KCNN3: variants seen among roughly 807,000 people sequenced by gnomAD.
KCNN3 encodes the protein small conductance calcium-activated potassium channel protein 3.
Under a neutral mutation model 62.9 loss-of-function variants are expected in KCNN3, and 16 were observed. That is an observed-to-expected ratio of 0.25 (90% CI 0.17 to 0.39). The LOEUF is 0.39. Among genes scored for constraint, KCNN3 ranks in the 10% least tolerant of loss-of-function variants. The pLI, the probability that KCNN3 is intolerant of heterozygous loss-of-function variation, is 1.00. For missense variants in KCNN3, 599 were observed against 949.4 expected, an observed-to-expected ratio of 0.63 and a Z score of 4.85; for synonymous variants, 370 against 389.2, an observed-to-expected ratio of 0.95 and a Z score of 0.58.
chr1:154,867,830 C>CA (rs1653012635), intron 1 of KCNN3: 1 of 373,838 alleles, frequency 2.7e-6, no homozygotes, highest in African/African-American at 2.2e-5. Context: ...CACACACACA[C>CA]CAACAAATTG....
In KCNN3 at chr1:154,870,050, C is replaced by A; in HGVS notation, c.-86G>T. 1 of 1,442,176 alleles carries A rather than the reference C, an allele frequency of 6.9e-7. No individual in the cohort carries two copies. The highest frequency in any genetic ancestry group is 9.6e-7 in the Non-Finnish European group (1 of 1,045,822). The allele number at this position is 1,442,176 out of a possible 1,614,324, so 89.3% of individuals were successfully genotyped here. A position where few individuals can be genotyped will look rare whatever the true frequency, so the allele number is the denominator to read the frequency against. ...AAAGATGTCCTCAAAGAAAGCCAGG[C>A]ATCCAATCTCCCCCACCAGTATCTT... On this transcript the variant is annotated 5_prime_UTR_variant, in exon 1 of 8. An upstream start codon of the reference 5' UTR is lost. Transcript: ENST00000271915.
At chr1:154,760,992 G>C (rs1009810333) in intron 3 of KCNN3, among the ~76,000 whole-genome samples, 1 of 152,248 alleles carries the variant, frequency 6.6e-6, no homozygotes, top group Non-Finnish European at 1.5e-5. Flanking sequence ...TAAAAACTGA[G>C]CCATTCAGCT....
intron 4 of KCNN3, among the ~76,000 whole-genome samples, chr1:154,726,506 C>A (rs967281461): frequency 3.9e-5 from 6 of 152,196 alleles, no homozygotes; most frequent in African/African-American, 1.2e-4. Context: ...GGAACACCTG[C>A]CAGTGGCTGA....
intron 2 of KCNN3, among the ~76,000 whole-genome samples, chr1:154,811,778 G>T (rs989389858): frequency 2.0e-5 from 3 of 152,154 alleles, no homozygotes; most frequent in Non-Finnish European, 2.9e-5. Flanking sequence ...AGAATTATCA[G>T]AATTTTCTTG....
chr1:154,744,771 G>T (rs1700901559), intron 3 of KCNN3, among the ~76,000 whole-genome samples: 1 of 151,970 alleles, frequency 6.6e-6, no homozygotes, highest in African/African-American at 2.4e-5. Flanking sequence ...ATTTCTTAAG[G>T]GTATTATGAG....
chr1:154,796,572 T>C (rs1249930419), intron 2 of KCNN3, among the ~76,000 whole-genome samples: 1 of 152,270 alleles, frequency 6.6e-6, no homozygotes, highest in African/African-American at 2.4e-5. Flanking sequence ...ACAATTCATC[T>C]GGCTGCATAG....
At chr1:154,813,180 C>A (rs556543049) in intron 2 of KCNN3, among the ~76,000 whole-genome samples, 1 of 150,730 alleles carries the variant, frequency 6.6e-6, no homozygotes, top group South Asian at 2.1e-4. Flanking sequence ...GGGGTGGGAG[C>A]CCCTTGGGCA....
chr1:154,868,372 C>A (rs1350551503), intron 1 of KCNN3: 3 of 988,450 alleles, frequency 3.0e-6, no homozygotes, highest in Admixed American at 1.2e-4. Flanking sequence ...TTACCCCATG[C>A]CCTCAGGAGA....
intron 2 of KCNN3, among the ~76,000 whole-genome samples, chr1:154,800,076 C>T (rs1288389841): frequency 1.3e-5 from 2 of 152,164 alleles, no homozygotes; most frequent in Admixed American, 6.5e-5. Flanking sequence ...GATTCCTGAA[C>T]GAATGTAAGG....
At chr1:154,725,701 G>A (rs1383119663) in intron 5 of KCNN3, among the ~76,000 whole-genome samples, 2 of 152,044 alleles carry the variant, frequency 1.3e-5, no homozygotes, top group African/African-American at 4.8e-5. Context: ...GTGCCACCAT[G>A]CCCAGCTAAT....
intron 2 of KCNN3, among the ~76,000 whole-genome samples, chr1:154,804,013 C>T (rs1650060679): frequency 6.6e-6 from 1 of 152,230 alleles, no homozygotes; most frequent in Admixed American, 6.5e-5. Context: ...TTGGATGTCC[C>T]TTTTGATTGC....
intron 1 of KCNN3, among the ~76,000 whole-genome samples, chr1:154,864,973 C>A (rs143002061): frequency 7.6e-4 from 115 of 152,270 alleles, no homozygotes; most frequent in African/African-American, 2.6e-3. Context: ...CACAGCCCAA[C>A]GCCTGAGATC....
intron 1 of KCNN3, among the ~76,000 whole-genome samples, chr1:154,853,153 C>CTTT (rs869302885): frequency 2.8e-5 from 4 of 145,428 alleles, no homozygotes; most frequent in African/African-American, 1.0e-4. Flanking sequence ...ATGTACTCAG[C>CTTT]TTTTTTTTTT....
chr1:154,762,449 C>T (rs1013001776), intron 3 of KCNN3, among the ~76,000 whole-genome samples: 1 of 152,198 alleles, frequency 6.6e-6, no homozygotes, highest in Admixed American at 6.5e-5. Flanking sequence ...ATTTTATTGG[C>T]TTTTTGTATT....
chr1:154,709,703 G>A (rs977843961), intron 7 of KCNN3, among the ~76,000 whole-genome samples: 25 of 152,340 alleles, frequency 1.6e-4, no homozygotes, highest in Admixed American at 7.8e-4. Context: ...GCAGGACACC[G>A]TGTCGTGGAT....
chr1:154,745,305 C>T (rs12406164), intron 3 of KCNN3, among the ~76,000 whole-genome samples: 8,019 of 152,314 alleles, frequency 0.053, 224 homozygotes, highest in African/African-American at 0.07. Context: ...AGCACAATGG[C>T]TCCAACAAAC....
intron 1 of KCNN3, among the ~76,000 whole-genome samples, chr1:154,866,957 T>C (rs74472701): frequency 2.2e-4 from 34 of 152,280 alleles, no homozygotes; most frequent in Non-Finnish European, 4.4e-4. Context: ...TCCCGTCGCG[T>C]TAAGACAAAT....
At chr1:154,829,485 C>G (rs1651290623) in intron 1 of KCNN3, among the ~76,000 whole-genome samples, 1 of 152,190 alleles carries the variant, frequency 6.6e-6, no homozygotes, top group Non-Finnish European at 1.5e-5. Context: ...CACCTTCTTA[C>G]ATGAAGCTTC....
intron 3 of KCNN3, among the ~76,000 whole-genome samples, chr1:154,751,439 C>T (rs780201713): frequency 1.3e-5 from 2 of 152,198 alleles, no homozygotes; most frequent in Admixed American, 1.3e-4. Flanking sequence ...AGAGTCAGCA[C>T]CAGTGGAAAC....
Sources: gnomAD v4.1 joint callset for allele counts (sites outside exome capture counted in the v4.1 genomes callset) on GRCh38, gnomAD v4.1.1 for gene constraint, MANE v1.5 for transcripts, NCBI Gene and HGNC (gene_info 2026-07-23, HGNC 2026-07-21) for gene names.